Variants in DNAJC5B observed in about 807,000 individuals in gnomAD.
DNAJC5B encodes DnaJ heat shock protein family (Hsp40) member C5 beta, also known as dnaJ homolog subfamily C member 5B.
A neutral mutation model predicts 24.7 loss-of-function variants in DNAJC5B; 23 were observed. That is an observed-to-expected ratio of 0.93 (90% CI 0.67 to 1.32). The LOEUF is 1.32. DNAJC5B is among the 40% of genes most tolerant of loss of function. The probability of loss-of-function intolerance (pLI) is 0.00; values close to 1 mark genes in which losing one functional copy is unlikely to be tolerated. For missense variants in DNAJC5B, 238 were observed against 240.8 expected (o/e 0.99, Z 0.08); for synonymous variants, 101 against 90.1 (o/e 1.12, Z -0.68).
At chr8:66,070,974 C>T (rs7813194) in intron 3 of DNAJC5B, among the ~76,000 whole-genome samples, 4 of 151,834 alleles carry the variant, frequency 2.6e-5, no homozygotes, top group East Asian at 1.9e-4. Flanking sequence ...TTTAATAAAT[C>T]GTGTTGGGAA....
intron 5 of DNAJC5B, among the ~76,000 whole-genome samples, chr8:66,091,175 A>G (rs1359150716): frequency 1.3e-5 from 2 of 152,212 alleles, no homozygotes; most frequent in African/African-American, 2.4e-5. Context: ...AAATGAAGAC[A>G]TAGTTCCTGG....
intron 5 of DNAJC5B, among the ~76,000 whole-genome samples, chr8:66,082,633 T>C (rs1309107946): frequency 6.6e-6 from 1 of 152,176 alleles, no homozygotes; most frequent in African/African-American, 2.4e-5. Flanking sequence ...TTGACTATGT[T>C]AAGAATTCTT....
At chr8:66,092,859 G>A (rs1020748449) in intron 5 of DNAJC5B, among the ~76,000 whole-genome samples, 5 of 152,062 alleles carry the variant, frequency 3.3e-5, no homozygotes, top group Non-Finnish European at 5.9e-5. Context: ...TACATGTGCA[G>A]GGTTGTTACA....
intron 2 of DNAJC5B, among the ~76,000 whole-genome samples, chr8:66,047,515 C>A (rs1054274061): frequency 6.6e-6 from 1 of 152,118 alleles, no homozygotes; most frequent in Non-Finnish European, 1.5e-5. Flanking sequence ...CTCAGAAAAC[C>A]GTTTTATTTA....
intron 1 of DNAJC5B, among the ~76,000 whole-genome samples, chr8:66,028,936 C>A (rs192059894): frequency 6.6e-6 from 1 of 152,198 alleles, no homozygotes; most frequent in African/African-American, 2.4e-5. Context: ...TTCACTGGAC[C>A]AAGCCTCTCC....
chr8:66,091,362 A>G (rs1807843150), intron 5 of DNAJC5B, among the ~76,000 whole-genome samples: 1 of 152,168 alleles, frequency 6.6e-6, no homozygotes, highest in African/African-American at 2.4e-5. Context: ...CTTTCCCACG[A>G]AGTGACATTT....
At chr8:66,033,653 C>A (rs1286954486) in intron 1 of DNAJC5B, among the ~76,000 whole-genome samples, 1 of 151,994 alleles carries the variant, frequency 6.6e-6, no homozygotes, top group Non-Finnish European at 1.5e-5. Flanking sequence ...CTTGTTTCAG[C>A]CTAGGACTCT....
chr8:66,061,239 C>G (rs1807073813), intron 3 of DNAJC5B, among the ~76,000 whole-genome samples: 1 of 152,060 alleles, frequency 6.6e-6, no homozygotes, highest in African/African-American at 2.4e-5. Flanking sequence ...TATGACTGAG[C>G]CTGTGAATAG....
chr8:66,099,776 C>G (rs539885038), intron 5 of DNAJC5B, among the ~76,000 whole-genome samples, 161 bp from the exon 6 acceptor site: 1 of 152,262 alleles, frequency 6.6e-6, no homozygotes, highest in East Asian at 1.9e-4. Flanking sequence ...AAAGACAGTG[C>G]CTCCTCCCTT....
chr8:66,062,875 T>G (rs1473699393), intron 3 of DNAJC5B, among the ~76,000 whole-genome samples: 1 of 152,108 alleles, frequency 6.6e-6, no homozygotes, highest in Non-Finnish European at 1.5e-5. Flanking sequence ...ACAGGCTTGG[T>G]GGCATGTGCC....
chr8:66,095,657 TGA>T (rs1563614396), intron 5 of DNAJC5B, among the ~76,000 whole-genome samples: 1 of 86,034 alleles, frequency 1.2e-5, no homozygotes, highest in Non-Finnish European at 2.4e-5. Context: ...TACTTTAGCT[TGA>T]CACACACACA....
chr8:66,079,175 T>A (rs1586107094), intron 4 of DNAJC5B, among the ~76,000 whole-genome samples: 2 of 152,304 alleles, frequency 1.3e-5, no homozygotes, highest in South Asian at 4.1e-4. Context: ...GAAATCCTGC[T>A]GCTGTTCACC....
At chr8:66,090,251 ATGTGTGTG>A (rs147978582) in intron 5 of DNAJC5B, among the ~76,000 whole-genome samples, 10 of 145,322 alleles carry the variant, frequency 6.9e-5, no homozygotes, top group Non-Finnish European at 1.4e-4. Flanking sequence ...GCGTGCAGGC[ATGTGTGTG>A]TGTGTGTGTG....
upstream of DNAJC5B, chr8:66,021,484 G>T (rs956936604): frequency 3.9e-5 from 6 of 152,244 alleles, no homozygotes; most frequent in Admixed American, 3.3e-4. Flanking sequence ...GGAGGAGTGA[G>T]GATTCCACTC....
chr8:66,064,508 C>T (rs762839580), intron 3 of DNAJC5B, among the ~76,000 whole-genome samples: 10 of 152,198 alleles, frequency 6.6e-5, no homozygotes, highest in Non-Finnish European at 1.2e-4. Context: ...TTCTCCTACA[C>T]CGCAGTCTTA....
intron 2 of DNAJC5B, among the ~76,000 whole-genome samples, chr8:66,048,412 C>G (rs1806771857): frequency 6.6e-6 from 1 of 152,192 alleles, no homozygotes; most frequent in Non-Finnish European, 1.5e-5. Context: ...TGGGTGCTGC[C>G]TCTCCCTATG....
chr8:66,054,565 C>G (rs1352184385), intron 3 of DNAJC5B, among the ~76,000 whole-genome samples: 4 of 152,276 alleles, frequency 2.6e-5, no homozygotes, highest in Non-Finnish European at 4.4e-5. Context: ...AGGGTTGGAA[C>G]CTTCACCATG....
intron 1 of DNAJC5B, among the ~76,000 whole-genome samples, chr8:66,026,518 CAG>C (rs775553920): frequency 9.2e-5 from 14 of 152,246 alleles, no homozygotes; most frequent in Non-Finnish European, 1.8e-4. Context: ...CCTGAGAGAG[CAG>C]AGTCTCCTCT....
At chr8:66,050,233 A>C (rs2128959657) in intron 2 of DNAJC5B, among the ~76,000 whole-genome samples, 1 of 152,320 alleles carries the variant, frequency 6.6e-6, no homozygotes, top group Middle Eastern at 3.4e-3. Flanking sequence ...TGTTTAATTG[A>C]GAGAGTATAA....
Sources: gnomAD v4.1 joint callset for allele counts (sites outside exome capture counted in the v4.1 genomes callset) on GRCh38, gnomAD v4.1.1 for gene constraint, MANE v1.5 for transcripts, NCBI Gene and HGNC (gene_info 2026-07-23, HGNC 2026-07-21) for gene names.